Variants in DRC11 observed in about 807,000 individuals in gnomAD.
DRC11 encodes the protein IQ and AAA domain-containing protein 1.
chr2:236,408,712 T>G, the DRC11 span: 3 of 711,926 alleles, frequency 4.2e-6, no homozygotes, highest in African/African-American at 3.5e-5. This position sits in a 1 kb window ranked among gnomAD's most constrained non-coding sequence, Gnocchi z 5.5. Flanking sequence ...TTATGCCAGT[T>G]GTTAGAGAAG....
chr2:236,380,742 A>C, the DRC11 span: 1 of 806,896 alleles, frequency 1.2e-6, no homozygotes, highest in Non-Finnish European at 2.0e-6. This position sits in a 1 kb window ranked among gnomAD's most constrained non-coding sequence, Gnocchi z 4.9. Flanking sequence ...GGGAGGTGGA[A>C]AGTTAATTGT....
At chr2:236,416,763 A>G in the DRC11 span, among the ~76,000 whole-genome samples, 2,037 of 98,384 alleles carry the variant, frequency 0.021, 145 homozygotes, top group African/African-American at 0.072. Context: ...ATATATATAT[A>G]TATATAAATA....
At chr2:236,320,901 C>T in the DRC11 span, among the ~76,000 whole-genome samples, 1 of 151,524 alleles carries the variant, frequency 6.6e-6, no homozygotes, top group South Asian at 2.1e-4. Flanking sequence ...TTCCTCTCCC[C>T]ATCAGATAAA....
the DRC11 span, among the ~76,000 whole-genome samples, chr2:236,389,079 G>A: frequency 6.6e-6 from 1 of 152,158 alleles, no homozygotes; most frequent in African/African-American, 2.4e-5. Context: ...GTCAGACAGG[G>A]ACATTTAAGT....
At chr2:236,308,388 C>G in the DRC11 span, among the ~76,000 whole-genome samples, 8 of 152,368 alleles carry the variant, frequency 5.3e-5, no homozygotes, top group African/African-American at 1.7e-4. This position sits in a 1 kb window ranked among gnomAD's most constrained non-coding sequence, Gnocchi z 6.0. Context: ...ACATCACCTT[C>G]TGTGTGTGTG....
the DRC11 span, among the ~76,000 whole-genome samples, chr2:236,459,678 T>C: frequency 7.0e-6 from 1 of 143,282 alleles, no homozygotes; most frequent in African/African-American, 2.5e-5. Flanking sequence ...TATACGTATA[T>C]ATGTATATAC....
chr2:236,399,028 C>T, the DRC11 span, among the ~76,000 whole-genome samples: 1 of 151,494 alleles, frequency 6.6e-6, no homozygotes, highest in African/African-American at 2.4e-5. The surrounding 1 kb of genome is among the most constrained non-coding windows in gnomAD (Gnocchi z 7.0). Flanking sequence ...CTCGCTCTGT[C>T]ATCCAGGCTG....
At chr2:236,310,965 T>G in the DRC11 span, among the ~76,000 whole-genome samples, 5 of 152,218 alleles carry the variant, frequency 3.3e-5, no homozygotes, top group Non-Finnish European at 7.3e-5. This position sits in a 1 kb window ranked among gnomAD's most constrained non-coding sequence, Gnocchi z 5.5. Flanking sequence ...GAGAATCAAT[T>G]AGTTTCCACT....
chr2:236,439,677 T>C, the DRC11 span, among the ~76,000 whole-genome samples: 1 of 152,170 alleles, frequency 6.6e-6, no homozygotes. Flanking sequence ...ATTATCACTT[T>C]AAAATATTTA....
At chr2:236,377,420 C>T in the DRC11 span, among the ~76,000 whole-genome samples, 3 of 152,146 alleles carry the variant, frequency 2.0e-5, no homozygotes, top group African/African-American at 4.8e-5. This position sits in a 1 kb window ranked among gnomAD's most constrained non-coding sequence, Gnocchi z 4.9. Context: ...TTAATAAGAA[C>T]GATATCTTTG....
the DRC11 span, among the ~76,000 whole-genome samples, chr2:236,372,555 T>G: frequency 6.6e-6 from 1 of 152,184 alleles, no homozygotes; most frequent in African/African-American, 2.4e-5. The surrounding 1 kb of genome is among the most constrained non-coding windows in gnomAD (Gnocchi z 4.5). Flanking sequence ...GCACTTTTTT[T>G]TTCCTAAACA....
chr2:236,392,316 G>A, the DRC11 span: 1 of 1,597,266 alleles, frequency 6.3e-7, no homozygotes, highest in African/African-American at 1.3e-5. The surrounding 1 kb of genome is among the most constrained non-coding windows in gnomAD (Gnocchi z 5.1). Flanking sequence ...AGTCCTGAGA[G>A]AAATTCCAAG....
chr2:236,438,505 T>C, the DRC11 span, among the ~76,000 whole-genome samples: 1 of 151,386 alleles, frequency 6.6e-6, no homozygotes, highest in Non-Finnish European at 1.5e-5. Context: ...TTGATGGGGA[T>C]GGCATTGAAT....
the DRC11 span, among the ~76,000 whole-genome samples, chr2:236,313,550 C>G: frequency 6.6e-6 from 1 of 152,174 alleles, no homozygotes; most frequent in Non-Finnish European, 1.5e-5. This position sits in a 1 kb window ranked among gnomAD's most constrained non-coding sequence, Gnocchi z 4.5. Flanking sequence ...CAATTGCACT[C>G]TTGGGCCCTT....
At chr2:236,328,342 C>T in the DRC11 span, among the ~76,000 whole-genome samples, 4 of 152,108 alleles carry the variant, frequency 2.6e-5, no homozygotes, top group East Asian at 5.8e-4. The surrounding 1 kb of genome is among the most constrained non-coding windows in gnomAD (Gnocchi z 6.7). Context: ...TATTTCAACT[C>T]GAGATTCTGG....
chr2:236,453,924 G>C, the DRC11 span, among the ~76,000 whole-genome samples: 6 of 152,150 alleles, frequency 3.9e-5, no homozygotes, highest in Non-Finnish European at 8.8e-5. The surrounding 1 kb of genome is among the most constrained non-coding windows in gnomAD (Gnocchi z 4.9). Flanking sequence ...TTACAGGCAT[G>C]AGCCACCGTG....
chr2:236,423,944 C>T, the DRC11 span, among the ~76,000 whole-genome samples: 2 of 151,236 alleles, frequency 1.3e-5, no homozygotes, highest in East Asian at 1.9e-4. Context: ...CGCAAACTAT[C>T]GCAAGGAGAA....
chr2:236,357,005 T>A, the DRC11 span, among the ~76,000 whole-genome samples: 9 of 99,308 alleles, frequency 9.1e-5, 1 homozygote, highest in Admixed American at 2.4e-4. Flanking sequence ...TATATTTATA[T>A]ATTCATATAT....
At chr2:236,486,895 C>A in the DRC11 span, 23 of 1,605,260 alleles carry the variant, frequency 1.4e-5, no homozygotes, top group Non-Finnish European at 2.0e-5. The surrounding 1 kb of genome is among the most constrained non-coding windows in gnomAD (Gnocchi z 5.7). Flanking sequence ...GGAAACGTCG[C>A]CAAACCTAAA....
Sources: allele counts gnomAD v4.1 joint callset (sites outside exome capture counted in the v4.1 genomes callset), GRCh38; gene constraint gnomAD v4.1.1; non-coding constraint Gnocchi (gnomAD v3.1); transcripts MANE v1.5; gene names NCBI Gene and HGNC (gene_info 2026-07-23, HGNC 2026-07-21).